PLA2G3: variants seen among roughly 807,000 people sequenced by gnomAD.
PLA2G3 encodes the protein group 3 secretory phospholipase A2.
A neutral mutation model predicts 51.3 loss-of-function variants in PLA2G3; 39 were observed. That is an observed-to-expected ratio of 0.76 (90% CI 0.59 to 0.99). The LOEUF (loss-of-function observed/expected upper bound fraction) is 0.99. PLA2G3 is among the 50% of genes least tolerant of loss of function. The pLI, the probability that PLA2G3 is intolerant of heterozygous loss-of-function variation, is 0.00. For missense variants in PLA2G3, 677 were observed against 662.1 expected, an observed-to-expected ratio of 1.02 and a Z score of -0.25; for synonymous variants, 293 against 263.1, an observed-to-expected ratio of 1.11 and a Z score of -1.10.
intron 2 of PLA2G3, 120 bp from the exon 3 acceptor site, chr22:31,138,530 T>A: frequency 6.7e-7 from 1 of 1,498,972 alleles, no homozygotes; most frequent in African/African-American, 1.4e-5. Flanking sequence ...CTTTCTGGCC[T>A]CAGCTTTCCT....
In PLA2G3 at chr22:31,137,968, G is replaced by C; in HGVS notation, c.808C>G (p.Leu270Val). 4 of 1,587,658 alleles carry C rather than the reference G, an allele frequency of 2.5e-6. No individual in the cohort carries two copies. The South Asian group carries it at 3.5e-5, about 14-fold the overall frequency. Residue 270 changes from leucine to valine, a missense_variant, in exon 4 of 7, where the codon CTC becomes GTC. Physicochemically the swap from Leu to Val is conservative, Grantham distance 32 (BLOSUM62 1). Transcript: ENST00000215885. ...GGCRMYGTVP[L>V]ARLQPRTFYN... The stretch of plus-strand genomic sequence containing the variant: ...AAGGTCCTGGGCTGCAGGCGAGCGA[G>C]GGGCACTGTGCCGTACATCCTACAC...
chr22:31,137,349 C>T (rs1210575389), intron 4 of PLA2G3, among the ~76,000 whole-genome samples: 1 of 152,194 alleles, frequency 6.6e-6, no homozygotes, highest in Non-Finnish European at 1.5e-5. Context: ...AGAGGAGGAA[C>T]AGCATGTGCA....
In PLA2G3 at chr22:31,135,601, A is replaced by T. The variant is rs756171790; in HGVS notation, c.*122T>A. ...TGAGATCCCCCCATTCATCCTCTTG[A>T]TTGTCCACAACAGCCTCTGCCATGC... On this transcript the variant is annotated 3_prime_UTR_variant, in exon 7 of 7. Transcript: ENST00000215885. 15 of 743,996 alleles carry T rather than the reference A, an allele frequency of 2.0e-5. No individual in the cohort carries two copies. The highest frequency in any genetic ancestry group is 3.5e-5 in the Non-Finnish European group (15 of 429,714). 46.1% of individuals were successfully genotyped at this position (743,996 alleles called of 1,614,324 possible).
In PLA2G3 at chr22:31,135,666, G is replaced by T; in HGVS notation, c.*57C>A. On this transcript the variant is annotated 3_prime_UTR_variant, in exon 7 of 7. Transcript: ENST00000215885. ...CGGAGGGGAGGCTGAGATTCCCAAG[G>T]CTTGGCATAGCCATGGGCAAGGTCC... 1 of 1,342,938 alleles carries T rather than the reference G, an allele frequency of 7.4e-7. No homozygotes were observed. Among genetic ancestry groups the T allele is most frequent in the Non-Finnish European group, 1.1e-6 (1 of 938,892 alleles). The allele number at this position is 1,342,938 out of a possible 1,614,324, so 83.2% of individuals were successfully genotyped here. A position where few individuals can be genotyped will look rare whatever the true frequency, so the allele number is the denominator to read the frequency against.
In PLA2G3 at chr22:31,135,520, A is replaced by T; in HGVS notation, c.*203T>A. ...CATCCAGGCATAGAAGAGTTGTGTC[A>T]TACATAGCTCAAGGTTACCCAGAAC... On this transcript the variant is annotated 3_prime_UTR_variant, in exon 7 of 7. Coordinates refer to ENST00000215885, the MANE Select transcript of PLA2G3 (RefSeq NM_015715.5). 1 of 593,560 alleles carries T rather than the reference A, an allele frequency of 1.7e-6. No homozygotes were observed. The highest frequency in any genetic ancestry group is 2.8e-5 in the East Asian group (1 of 35,942). The allele number at this position is 593,560 out of a possible 1,614,324, so 36.8% of individuals were successfully genotyped here.
At position 31,135,838 on chromosome 22, in the gene PLA2G3, C is replaced by G; in HGVS notation, c.1415G>C (p.Arg472Thr). Residue 472 changes from arginine to threonine, a missense_variant, in exon 7 of 7, where the codon AGG becomes ACG. Physicochemically the swap from Arg to Thr is moderately conservative, Grantham distance 71. Transcript: ENST00000215885. Reference sequence around the variant, plus strand: ...CAGGGGCTCTGAAGGCCATGGCTGCCTCTCATCTGTGCCTTTATCCTGGAG... The same window carrying G: ...CAGGGGCTCTGAAGGCCATGGCTGCGTCTCATCTGTGCCTTTATCCTGGAG... ...HQLQDKGTDE[R>T]QPWPSEPLRG... The G allele has an allele frequency of 8.1e-6, 13 of 1,613,996 alleles. No homozygotes were observed. Among genetic ancestry groups the G allele is most frequent in the Non-Finnish European group, 1.0e-5 (12 of 1,180,018 alleles).
chr22:31,138,230 G>A (rs745326117), intron 3 of PLA2G3, 46 bp downstream of exon 3: 2 of 1,600,982 alleles, frequency 1.2e-6, no homozygotes, highest in Admixed American at 3.4e-5. Flanking sequence ...TTGGAGCCTG[G>A]GCTCCCTCTC....
intron 6 of PLA2G3, 59 bp from the exon 7 acceptor site, chr22:31,135,995 T>C (rs1922538711): frequency 7.1e-7 from 1 of 1,406,672 alleles, no homozygotes; most frequent in Non-Finnish European, 1.0e-6. Context: ...CACCTTACTC[T>C]GCAGACAGTG....
chr22:31,136,913 C>A lies in PLA2G3; in HGVS notation c.1194G>T (p.Thr398=), dbSNP rs201442680. ...AQEPLFHCNC[T]RRLARFLRLH... Reference sequence around the variant, plus strand: ...AGGGTTCAAAGGGGCCTCACCGGCGCGTGCAGTTGCAGTGGAAGAGGGGCT... The same window carrying A: ...AGGGTTCAAAGGGGCCTCACCGGCGAGTGCAGTTGCAGTGGAAGAGGGGCT... The change falls in exon 5 of 7, where the codon ACG becomes ACT. Residue 398 remains threonine (T), a synonymous_variant. Coordinates refer to ENST00000215885, the MANE Select transcript of PLA2G3 (RefSeq NM_015715.5). 1.9e-6 allele frequency: 3 copies of A among 1,608,654 alleles called. No homozygotes were observed. Among genetic ancestry groups the A allele is most frequent in the Admixed American group, 3.4e-5 (2 of 58,258 alleles).
rs201934732 is a variant in PLA2G3, at chr22:31,140,173, C to T, written c.182G>A (p.Arg61His). 57 of 1,612,474 alleles carry T rather than the reference C, an allele frequency of 3.5e-5. No individual in the cohort carries two copies. The highest frequency in any genetic ancestry group is 1.6e-4 in the Middle Eastern group (1 of 6,062). Residue 61 changes from arginine to histidine, a missense_variant, in exon 1 of 7, where the codon CGC becomes CAC. Arg to His is a conservative substitution (Grantham distance 29, BLOSUM62 0). Transcript: ENST00000215885. ...CTGCAGCCTCCTATGCGCATCCCAG[C>T]GGGCATGGATCAGGGCCAGTCCCTG... Reference protein sequence around the residue: ...DAQGLALIHARWDAHRRLQSC... With the variant: ...DAQGLALIHAHWDAHRRLQSC...
In PLA2G3 at chr22:31,135,905, A is replaced by G; in HGVS notation, c.1348T>C (p.Ser450Pro). The change falls in exon 7 of 7, where the codon TCA becomes CCA. Residue 450 changes from serine to proline, a missense_variant. Transcript: ENST00000215885. ...CSRDPRAIRV[S>P]ARHLRRLQQR... Reference sequence around the variant, plus strand: ...TGAAGCCTCCGCAAGTGCCGGGCTGACACCCTGATGGCCCTAGGGTCTCTG... The same window carrying G: ...TGAAGCCTCCGCAAGTGCCGGGCTGGCACCCTGATGGCCCTAGGGTCTCTG... The G allele has an allele frequency of 6.2e-7, 1 of 1,613,690 alleles. No homozygotes were observed. The highest frequency in any genetic ancestry group is 2.2e-5 in the East Asian group (1 of 44,882).
At chr22:31,136,408 C>T (rs149939187) in intron 6 of PLA2G3, among the ~76,000 whole-genome samples, 66 of 152,228 alleles carry the variant, frequency 4.3e-4, no homozygotes, top group African/African-American at 7.7e-4. Flanking sequence ...TTGGTTCCTA[C>T]GACCATTTTA....
chr22:31,139,693 G>GC (rs1175725738), intron 1 of PLA2G3, 148 bp downstream of exon 1: 1 of 616,358 alleles, frequency 1.6e-6, no homozygotes, highest in East Asian at 2.7e-5. Context: ...ATTCGTGATT[G>GC]CCCCCACTTT....
Position 31,135,614 on chromosome 22 carries a change from G to A in PLA2G3, c.*109C>T. ...TTCATCCTCTTGATTGTCCACAACA[G>A]CCTCTGCCATGCTTCAGTCTAACCT... On this transcript the variant is annotated 3_prime_UTR_variant, in exon 7 of 7. Transcript: ENST00000215885. 1.3e-6 allele frequency: 1 copy of A among 798,562 alleles called. No individual in the cohort carries two copies. The highest frequency in any genetic ancestry group is 2.1e-6 in the Non-Finnish European group (1 of 469,910). The allele number at this position is 798,562 out of a possible 1,614,324, so 49.5% of individuals were successfully genotyped here.
intron 1 of PLA2G3, 90 bp from the exon 2 acceptor site, chr22:31,138,889 G>T: frequency 7.4e-7 from 1 of 1,351,090 alleles, no homozygotes; most frequent in Non-Finnish European, 1.0e-6. Flanking sequence ...AGAGGGCAGA[G>T]ACCTGGTTCT....
At chr22:31,139,292 T>G (rs1270754415) in intron 1 of PLA2G3, among the ~76,000 whole-genome samples, 1 of 152,152 alleles carries the variant, frequency 6.6e-6, no homozygotes, top group Non-Finnish European at 1.5e-5. Context: ...TGCAAGAAAT[T>G]CATCTATGTT....
intron 6 of PLA2G3, 34 bp downstream of exon 6, chr22:31,136,649 A>T: frequency 6.4e-7 from 1 of 1,568,048 alleles, no homozygotes; most frequent in Non-Finnish European, 8.8e-7. Flanking sequence ...CTTTGAGAAA[A>T]CCCCCCATCC....
At chr22:31,138,601 G>T (rs1290218650) in intron 2 of PLA2G3, 66 bp downstream of exon 2, 2 of 1,593,304 alleles carry the variant, frequency 1.3e-6, no homozygotes, top group African/African-American at 2.7e-5. Flanking sequence ...CCAATGTCTA[G>T]TTACCCAGGA....
Position 31,138,340 on chromosome 22 carries a change from G to A in PLA2G3, c.718C>T (p.Leu240=), listed in dbSNP as rs533564063. 9.3e-6 allele frequency: 15 copies of A among 1,613,974 alleles called. No individual in the cohort carries two copies. The Admixed American group carries it at 2.0e-4, about 22-fold the overall frequency. Residue 240 remains leucine (L), a synonymous_variant, in exon 3 of 7, where the codon CTG becomes TTG. Transcript: ENST00000215885. ...TCCAGCACAAAGCAGGGGATCTCCA[G>A]CACGTTGAAGAAGGCCACGCCCACG... ...DIVGVAFFNV[L]EIPCFVLEEQ... is the part of the protein sequence containing the mutation.
Sources: allele counts gnomAD v4.1 joint callset (sites outside exome capture counted in the v4.1 genomes callset), GRCh38; gene constraint gnomAD v4.1.1; transcripts MANE v1.5; gene names NCBI Gene and HGNC (gene_info 2026-07-23, HGNC 2026-07-21).